The following MAP2 variants were observed in gnomAD, a reference collection of about 807,000 sequenced individuals.
MAP2 encodes the protein microtubule associated protein 2, also known as microtubule-associated protein 2.
Under a neutral mutation model 137.6 loss-of-function variants are expected in MAP2, and 14 were observed. That is an observed-to-expected ratio of 0.10 (90% CI 0.07 to 0.16). The LOEUF (loss-of-function observed/expected upper bound fraction) is 0.16. Ranked by LOEUF, MAP2 falls within the 10% of genes least tolerant of loss-of-function variation. MAP2 has a pLI of 1.00. For synonymous variants in MAP2, 786 were observed against 782.3 expected, an observed-to-expected ratio of 1.00 and a Z score of -0.08; for missense variants, 2,088 against 2,191.5, an observed-to-expected ratio of 0.95 and a Z score of 0.94.
At chr2:209,576,844 T>C (rs997609852) in intron 2 of MAP2, among the ~76,000 whole-genome samples, 4 of 152,182 alleles carry the variant, frequency 2.6e-5, no homozygotes, top group African/African-American at 9.7e-5. Flanking sequence ...GGGCAGTAAT[T>C]ATGTTTCACA....
intron 2 of MAP2, among the ~76,000 whole-genome samples, chr2:209,552,547 G>A (rs1044559983): frequency 3.3e-5 from 5 of 152,112 alleles, no homozygotes; most frequent in African/African-American, 1.2e-4. Flanking sequence ...CCTATTATGT[G>A]TGTGCCTAAG....
chr2:209,613,591 T>TG (rs2087833573), intron 3 of MAP2, among the ~76,000 whole-genome samples: 1 of 151,836 alleles, frequency 6.6e-6, no homozygotes, highest in South Asian at 2.1e-4. Context: ...AGGAGCTCAG[T>TG]GGGGCTAGCG....
intron 2 of MAP2, among the ~76,000 whole-genome samples, chr2:209,517,360 C>A (rs1483410365): frequency 6.6e-6 from 1 of 152,122 alleles, no homozygotes; most frequent in African/African-American, 2.4e-5. Flanking sequence ...AGGATGCAAA[C>A]ATCAAGTACT....
At chr2:209,670,238 A>G (rs2048217390) in intron 5 of MAP2, among the ~76,000 whole-genome samples, 1 of 152,028 alleles carries the variant, frequency 6.6e-6, no homozygotes, top group Non-Finnish European at 1.5e-5. Flanking sequence ...AATATGTAAT[A>G]TAGGGGCTAC....
At chr2:209,598,160 C>G (rs750305800) in intron 3 of MAP2, among the ~76,000 whole-genome samples, 3 of 152,098 alleles carry the variant, frequency 2.0e-5, no homozygotes, top group Non-Finnish European at 4.4e-5. Context: ...CACCCACCAC[C>G]ATGCCCGGCT....
chr2:209,637,436 G>A (rs1407473981), intron 4 of MAP2, among the ~76,000 whole-genome samples: 1 of 151,940 alleles, frequency 6.6e-6, no homozygotes, highest in East Asian at 1.9e-4. Context: ...GACTGAGACT[G>A]TGTCTTGATG....
At position 209,475,812 on chromosome 2, in the gene MAP2, C is replaced by T. The variant is rs997464927; in HGVS notation, c.-221-31780C>T. Among the ~76,000 whole-genome samples the T allele has an allele frequency of 6.6e-5, 10 of 152,012 alleles. No individual in the cohort carries two copies. In the East Asian group the frequency reaches 1.5e-3, roughly 23 times the overall value. ...GGAATATATTTATAGTACTTAAGTA[C>T]AAGAAATATGAACACGGTGGATCAC... is the stretch of plus-strand genomic sequence containing the variant. On this transcript the variant is annotated intron_variant, in intron 1 of 15. Coordinates refer to ENST00000682079, the MANE Select transcript of MAP2 (RefSeq NM_001375505.1).
chr2:209,620,658 G>T (rs959694373), intron 3 of MAP2, among the ~76,000 whole-genome samples: 1 of 152,110 alleles, frequency 6.6e-6, no homozygotes, highest in African/African-American at 2.4e-5. Flanking sequence ...TTTTATGTTG[G>T]CATCTGCTTT....
chr2:209,491,298 T>C (rs1306453976), intron 1 of MAP2, among the ~76,000 whole-genome samples: 1 of 152,162 alleles, frequency 6.6e-6, no homozygotes, highest in African/African-American at 2.4e-5. Context: ...GCTAAAGCAG[T>C]GTTTAGAGGG....
At position 209,670,960 on chromosome 2, in the gene MAP2, T is replaced by G. The variant is rs13416024; in HGVS notation, c.263-7612T>G. ...GAATAGCTCCATTGTCTATAGCAGG[T>G]GCAAAATAAATTCTCTTAAATTTAA... is the stretch of plus-strand genomic sequence containing the variant. On this transcript the variant is annotated intron_variant, in intron 5 of 15. Transcript: ENST00000682079. Among the ~76,000 whole-genome samples the G allele has an allele frequency of 6.5e-3, 995 of 152,052 alleles. 8 individuals carry two copies. The highest frequency in any genetic ancestry group is 0.023 in the African/African-American group (941 of 41,530).
intron 3 of MAP2, among the ~76,000 whole-genome samples, chr2:209,621,871 T>A (rs1326748485): frequency 2.0e-5 from 3 of 152,188 alleles, no homozygotes; most frequent in African/African-American, 4.8e-5. Flanking sequence ...CCTAAGCACA[T>A]TGCATGCATA....
At chr2:209,456,078 ATC>A in intron 1 of MAP2, among the ~76,000 whole-genome samples, 1 of 152,184 alleles carries the variant, frequency 6.6e-6, no homozygotes, top group Non-Finnish European at 1.5e-5. Context: ...AGAAGTGACT[ATC>A]ACTCATACTC....
intron 1 of MAP2, among the ~76,000 whole-genome samples, chr2:209,496,467 G>A (rs752807133): frequency 1.3e-5 from 2 of 152,046 alleles, no homozygotes; most frequent in African/African-American, 2.4e-5. Flanking sequence ...CCCTATATTG[G>A]TATATTTTGC....
At chr2:209,632,572 G>A (rs2093186704) in intron 4 of MAP2, among the ~76,000 whole-genome samples, 1 of 152,036 alleles carries the variant, frequency 6.6e-6, no homozygotes, top group Admixed American at 6.6e-5. Context: ...CTCCAGTCCT[G>A]AGACCACCAA....
intron 4 of MAP2, among the ~76,000 whole-genome samples, chr2:209,631,617 T>C (rs2093059308): frequency 6.6e-6 from 1 of 151,840 alleles, no homozygotes; most frequent in Admixed American, 6.6e-5. Flanking sequence ...TTCTTAATGG[T>C]CATAATCTAA....
chr2:209,529,717 C>A (rs2064796438), intron 2 of MAP2, among the ~76,000 whole-genome samples: 1 of 152,084 alleles, frequency 6.6e-6, no homozygotes, highest in African/African-American at 2.4e-5. Flanking sequence ...CATAGAGAAG[C>A]AATAAATACT....
intron 13 of MAP2, among the ~76,000 whole-genome samples, chr2:209,720,341 A>T (rs990055628): frequency 6.6e-6 from 1 of 152,148 alleles, no homozygotes; most frequent in African/African-American, 2.4e-5. Flanking sequence ...TGCAAGTAAA[A>T]ATTTTACTTG....
chr2:209,541,965 C>T (rs1377721303), intron 2 of MAP2, among the ~76,000 whole-genome samples: 1 of 152,202 alleles, frequency 6.6e-6, no homozygotes, highest in Non-Finnish European at 1.5e-5. Context: ...TTAATGGCAT[C>T]TAGGATAGTG....
intron 1 of MAP2, among the ~76,000 whole-genome samples, chr2:209,493,203 G>C (rs988583103): frequency 6.6e-6 from 1 of 152,130 alleles, no homozygotes; most frequent in Non-Finnish European, 1.5e-5. Flanking sequence ...TTAATAAATG[G>C]TGTTGGGAAA....
Sources: gnomAD v4.1 joint callset for allele counts (sites outside exome capture counted in the v4.1 genomes callset) on GRCh38, gnomAD v4.1.1 for gene constraint, MANE v1.5 for transcripts, NCBI Gene and HGNC (gene_info 2026-07-23, HGNC 2026-07-21) for gene names.